LRRC4C: variants seen among roughly 807,000 people sequenced by gnomAD.
LRRC4C encodes leucine rich repeat containing 4C.
A neutral mutation model predicts 33.6 loss-of-function variants in LRRC4C; 5 were observed. The ratio of observed to expected loss-of-function variants is 0.15; its 90% CI spans 0.08 to 0.31. The LOEUF is 0.31. Among genes scored for constraint, LRRC4C ranks in the 10% least tolerant of loss-of-function variants. The pLI, the probability that LRRC4C is intolerant of heterozygous loss-of-function variation, is 1.00. For synonymous variants in LRRC4C, 329 were observed against 302.0 expected (o/e 1.09, Z -0.93); for missense variants, 560 against 796.7 (o/e 0.70, Z 3.58).
intron 1 of LRRC4C, among the ~76,000 whole-genome samples, chr11:41,302,632 A>G (rs1950318695): frequency 6.6e-6 from 1 of 152,228 alleles, no homozygotes. Context: ...CTGTTGTCAG[A>G]TTAAATTTCA....
At chr11:41,050,299 C>T (rs1858106409) in intron 1 of LRRC4C, among the ~76,000 whole-genome samples, 1 of 152,152 alleles carries the variant, frequency 6.6e-6, no homozygotes, top group Non-Finnish European at 1.5e-5. Flanking sequence ...AGTCCAATTA[C>T]ATGAGAGTTG....
intron 2 of LRRC4C, among the ~76,000 whole-genome samples, chr11:40,915,604 C>T (rs1327530429): frequency 2.6e-5 from 4 of 152,160 alleles, no homozygotes; most frequent in Non-Finnish European, 4.4e-5. Context: ...TAGAAGAAAA[C>T]CTAGGCAATA....
At chr11:40,463,406 T>C (rs1365875847) in intron 3 of LRRC4C, among the ~76,000 whole-genome samples, 1 of 151,398 alleles carries the variant, frequency 6.6e-6, no homozygotes, top group Non-Finnish European at 1.5e-5. Context: ...GGAAAACAAT[T>C]GGCAAATGCT....
intron 1 of LRRC4C, among the ~76,000 whole-genome samples, chr11:41,292,225 G>A (rs1335636035): frequency 1.3e-5 from 2 of 152,258 alleles, no homozygotes; most frequent in African/African-American, 2.4e-5. Context: ...AAGATGTAAT[G>A]TGAGCCTTTT....
intron 3 of LRRC4C, among the ~76,000 whole-genome samples, chr11:40,596,711 A>G (rs1959356476): frequency 6.6e-6 from 1 of 152,086 alleles, no homozygotes; most frequent in South Asian, 2.1e-4. Context: ...ATCATGTGAA[A>G]TTTGTCCTTC....
intron 1 of LRRC4C, among the ~76,000 whole-genome samples, chr11:41,096,432 G>A (rs1940813491): frequency 6.6e-6 from 1 of 152,140 alleles, no homozygotes; most frequent in Admixed American, 6.6e-5. Flanking sequence ...AGAGAAGCCA[G>A]GAGACCAGTC....
At position 41,283,281 on chromosome 11, in the gene LRRC4C, T is replaced by A. The variant is rs528328980; in HGVS notation, c.-496+176150A>T. ...TATTTTAAAAAGTAAAAGATTCATG[T>A]ACGAAAATATTCATCATAACATCAT... On this transcript the variant is annotated intron_variant, in intron 1 of 6. Transcript: ENST00000528697. Among the ~76,000 whole-genome samples the A allele has an allele frequency of 2.0e-5, 3 of 152,342 alleles. No homozygotes were observed. The East Asian group carries it at 5.8e-4, about 29-fold the overall frequency.
intron 1 of LRRC4C, among the ~76,000 whole-genome samples, chr11:40,946,475 G>C (rs1363927851): frequency 1.3e-5 from 2 of 152,102 alleles, no homozygotes; most frequent in East Asian, 3.8e-4. Flanking sequence ...TGGGTCAAAT[G>C]GTAGTTCTGT....
At chr11:41,352,309 G>T (rs1952010027) in intron 1 of LRRC4C, among the ~76,000 whole-genome samples, 1 of 152,146 alleles carries the variant, frequency 6.6e-6, no homozygotes, top group East Asian at 1.9e-4. Context: ...AATTCAACAA[G>T]AAGACCTAAC....
intron 1 of LRRC4C, among the ~76,000 whole-genome samples, chr11:41,185,389 A>C (rs1252495543): frequency 6.6e-6 from 1 of 152,184 alleles, no homozygotes; most frequent in Non-Finnish European, 1.5e-5. Flanking sequence ...TGGATAAGAC[A>C]AAGTACATAT....
intron 1 of LRRC4C, chr11:41,394,703 C>T (rs1190893920): frequency 6.6e-6 from 1 of 151,924 alleles, no homozygotes; most frequent in African/African-American, 2.4e-5. Flanking sequence ...TGGTGATTTT[C>T]TTTCTTATTA....
chr11:40,158,417 A>T (rs1371918185), intron 5 of LRRC4C, among the ~76,000 whole-genome samples: 1 of 152,126 alleles, frequency 6.6e-6, no homozygotes. Context: ...TAAGGAAAAA[A>T]TTTTAAAAAT....
intron 5 of LRRC4C, among the ~76,000 whole-genome samples, chr11:40,168,033 ACT>A (rs1342437955): frequency 6.6e-6 from 1 of 150,726 alleles, no homozygotes; most frequent in Admixed American, 6.7e-5. Flanking sequence ...ACAGAGCAAA[ACT>A]CTGTCTCAAA....
At chr11:40,596,776 G>C (rs544010944) in intron 3 of LRRC4C, among the ~76,000 whole-genome samples, 1 of 152,184 alleles carries the variant, frequency 6.6e-6, no homozygotes, top group Non-Finnish European at 1.5e-5. Flanking sequence ...CCATGTGGTT[G>C]CAAATTACAA....
At chr11:40,646,028 AGT>A (rs1231286155) in intron 3 of LRRC4C, among the ~76,000 whole-genome samples, 1 of 92,334 alleles carries the variant, frequency 1.1e-5, no homozygotes, top group African/African-American at 4.3e-5. Context: ...ATGATTCCTC[AGT>A]GTTTTTTTTT....
At chr11:40,854,361 G>A (rs1953663452) in intron 2 of LRRC4C, among the ~76,000 whole-genome samples, 1 of 152,198 alleles carries the variant, frequency 6.6e-6, no homozygotes, top group African/African-American at 2.4e-5. Flanking sequence ...AGAAGGGCCA[G>A]AAGTGTAGAT....
intron 3 of LRRC4C, among the ~76,000 whole-genome samples, chr11:40,630,934 G>A (rs1041420984): frequency 5.9e-5 from 9 of 152,130 alleles, no homozygotes; most frequent in Admixed American, 5.9e-4. Context: ...CACAGTTTCT[G>A]TGCATCTTAA....
chr11:40,813,342 A>G (rs1424494663), intron 2 of LRRC4C, among the ~76,000 whole-genome samples: 1 of 152,196 alleles, frequency 6.6e-6, no homozygotes, highest in African/African-American at 2.4e-5. Flanking sequence ...GAGCAAAGAC[A>G]TGTCTTACAT....
intron 3 of LRRC4C, among the ~76,000 whole-genome samples, chr11:40,524,757 A>G (rs1350460357): frequency 6.6e-6 from 1 of 152,172 alleles, no homozygotes; most frequent in Non-Finnish European, 1.5e-5. Flanking sequence ...GCACCTTACT[A>G]TGAGCCAAGG....
Sources: allele counts gnomAD v4.1 joint callset (sites outside exome capture counted in the v4.1 genomes callset), GRCh38; gene constraint gnomAD v4.1.1; transcripts MANE v1.5; gene names NCBI Gene and HGNC (gene_info 2026-07-23, HGNC 2026-07-21).